TARS3: variants seen among roughly 807,000 people sequenced by gnomAD.
The protein encoded by TARS3 is threonyl-tRNA synthetase 3.
A neutral mutation model predicts 103.5 loss-of-function variants in TARS3; 94 were observed. That is an observed-to-expected ratio of 0.91 (90% CI 0.77 to 1.08). The LOEUF is 1.08. Among genes scored for constraint, TARS3 ranks in the 50% least tolerant of loss-of-function variants. TARS3 has a pLI of 0.00. For missense variants in TARS3, 952 were observed against 995.2 expected, an observed-to-expected ratio of 0.96 and a Z score of 0.58; for synonymous variants, 416 against 355.4, an observed-to-expected ratio of 1.17 and a Z score of -1.92.
At chr15:101,668,918 C>G (rs559303505) in intron 15 of TARS3, among the ~76,000 whole-genome samples, 7 of 152,196 alleles carry the variant, frequency 4.6e-5, no homozygotes, top group Admixed American at 4.6e-4. Context: ...TAATAAACAA[C>G]TGTTACTGGT....
chr15:101,708,458 GA>G (rs1364089040), intron 6 of TARS3, among the ~76,000 whole-genome samples: 1 of 152,032 alleles, frequency 6.6e-6, no homozygotes, highest in Non-Finnish European at 1.5e-5. Flanking sequence ...AACTCCCACA[GA>G]AAAGAGAAAA....
intron 10 of TARS3, among the ~76,000 whole-genome samples, chr15:101,700,271 T>C (rs1596315372): frequency 6.6e-6 from 1 of 152,328 alleles, no homozygotes. Context: ...ATCATGTAAA[T>C]ACTAAAGACT....
chr15:101,685,230 T>C (rs536134501), intron 11 of TARS3, among the ~76,000 whole-genome samples: 1 of 152,328 alleles, frequency 6.6e-6, no homozygotes, highest in East Asian at 1.9e-4. Context: ...GGGATTGTTT[T>C]TTGTGGACAA....
At chr15:101,655,568 T>C (rs548175263) in intron 18 of TARS3, among the ~76,000 whole-genome samples, 116 of 121,122 alleles carry the variant, frequency 9.6e-4, no homozygotes, top group Non-Finnish European at 1.7e-3. Context: ...TCACAGTGAC[T>C]CCACCTGGCA....
Position 101,712,004 on chromosome 15 carries a change from G to A in TARS3, c.691-3C>T, listed in dbSNP as rs1181507148. 6.2e-6 allele frequency: 10 copies of A among 1,610,274 alleles called. No homozygotes were observed. Among genetic ancestry groups the A allele is most frequent in the Non-Finnish European group, 8.5e-6 (10 of 1,178,564 alleles). On this transcript the variant is annotated splice_polypyrimidine_tract_variant and splice_region_variant and intron_variant, in intron 4 of 18. Transcript: ENST00000335968. ...TGAGCACTGGAGTGCCAGTACACCT[G>A]CATGGCATGGACAAAGAGGCCATTA...
chr15:101,660,049 A>C (rs1897319545), intron 16 of TARS3, among the ~76,000 whole-genome samples: 1 of 152,186 alleles, frequency 6.6e-6, no homozygotes, highest in Non-Finnish European at 1.5e-5. Context: ...GTGGAGAAGG[A>C]GGCACCACAT....
chr15:101,657,892 T>C (rs1205517583), intron 16 of TARS3, 35 bp from the exon 17 acceptor site: 4 of 1,284,570 alleles, frequency 3.1e-6, no homozygotes, highest in Non-Finnish European at 4.4e-6. Context: ...ATTTTCAAAG[T>C]GTAATAATGG....
intron 10 of TARS3, chr15:101,699,498 T>C (rs1405038455): frequency 3.3e-5 from 15 of 455,336 alleles, no homozygotes; most frequent in Non-Finnish European, 6.2e-5. Flanking sequence ...TCTCCATCTA[T>C]TGTACTCCCA....
At chr15:101,695,541 G>A (rs183389696) in intron 10 of TARS3, among the ~76,000 whole-genome samples, 3 of 152,234 alleles carry the variant, frequency 2.0e-5, no homozygotes, top group Admixed American at 6.5e-5. Flanking sequence ...TATAAGTAAC[G>A]CTTCTATGAA....
chr15:101,721,014 C>T (rs1900426776), intron 3 of TARS3, 112 bp downstream of exon 3: 2 of 883,628 alleles, frequency 2.3e-6, no homozygotes, highest in Non-Finnish European at 3.4e-6. Context: ...CAGACATGTC[C>T]TTTTAGTATC....
chr15:101,657,720 C>T, intron 17 of TARS3, 65 bp downstream of exon 17: 2 of 1,129,672 alleles, frequency 1.8e-6, no homozygotes, highest in East Asian at 5.3e-5. Context: ...AAGGACACTC[C>T]AAATCGATGA....
intron 15 of TARS3, among the ~76,000 whole-genome samples, chr15:101,670,731 A>G (rs1897760892): frequency 6.6e-6 from 1 of 152,232 alleles, no homozygotes; most frequent in South Asian, 2.1e-4. Flanking sequence ...TTCTATTCAT[A>G]ATCACCAAGA....
At chr15:101,679,790 G>C (rs1898183704) in intron 12 of TARS3, among the ~76,000 whole-genome samples, 1 of 152,162 alleles carries the variant, frequency 6.6e-6, no homozygotes, top group Non-Finnish European at 1.5e-5. Flanking sequence ...CCAGCAGAGG[G>C]AGGACAGTAC....
At chr15:101,661,444 G>A (rs529764382) in intron 16 of TARS3, among the ~76,000 whole-genome samples, 13 of 150,954 alleles carry the variant, frequency 8.6e-5, no homozygotes, top group Admixed American at 6.0e-4. Context: ...TAATTCTACC[G>A]AGTCCCCCAA....
intron 3 of TARS3, among the ~76,000 whole-genome samples, chr15:101,716,516 T>C (rs992969647): frequency 5.9e-5 from 9 of 152,182 alleles, no homozygotes; most frequent in African/African-American, 2.2e-4. Flanking sequence ...AATCACAGCA[T>C]CTTCCCTAAC....
chr15:101,682,113 G>A (rs1284394799), intron 12 of TARS3, among the ~76,000 whole-genome samples: 2 of 152,180 alleles, frequency 1.3e-5, no homozygotes, highest in East Asian at 1.9e-4. Context: ...CAATCTAGGT[G>A]TTTTTTATTT....
chr15:101,724,463 C>T lies in TARS3; in HGVS notation c.-76G>A. ...GAGGGCGACGCGGACACTCAGCGCACGGCAGAAGACAGGGCTCCCGGGAGG... is the reference window on the plus strand; with the variant it reads ...GAGGGCGACGCGGACACTCAGCGCATGGCAGAAGACAGGGCTCCCGGGAGG... On this transcript the variant is annotated 5_prime_UTR_variant, in exon 1 of 19. In the 5' UTR this introduces an upstream ATG that the reference lacks. Coordinates refer to ENST00000335968, the MANE Select transcript of TARS3 (RefSeq NM_152334.3). 2 of 1,335,222 alleles carry T rather than the reference C, an allele frequency of 1.5e-6. No individual in the cohort carries two copies. The highest frequency in any genetic ancestry group is 1.9e-6 in the Non-Finnish European group (2 of 1,048,822). The allele number at this position is 1,335,222 out of a possible 1,614,324, so 82.7% of individuals were successfully genotyped here. A position where few individuals can be genotyped will look rare whatever the true frequency, so the allele number is the denominator to read the frequency against.
chr15:101,673,841 G>A (rs1220876321), intron 13 of TARS3, among the ~76,000 whole-genome samples: 1 of 152,128 alleles, frequency 6.6e-6, no homozygotes, highest in Non-Finnish European at 1.5e-5. Flanking sequence ...CCTCTGCTCG[G>A]CTTCTGCACC....
intron 12 of TARS3, among the ~76,000 whole-genome samples, chr15:101,678,084 G>A (rs916542056): frequency 2.7e-5 from 4 of 150,808 alleles, no homozygotes; most frequent in East Asian, 2.0e-4. Flanking sequence ...AAGTTCAAGC[G>A]ATTCTCTTGC....
Sources: gnomAD v4.1 joint callset for allele counts (sites outside exome capture counted in the v4.1 genomes callset) on GRCh38, gnomAD v4.1.1 for gene constraint, MANE v1.5 for transcripts, NCBI Gene and HGNC (gene_info 2026-07-23, HGNC 2026-07-21) for gene names.